Variants in SNTB2 observed in about 807,000 individuals in gnomAD.
SNTB2 encodes the protein syntrophin beta 2, also known as beta-2-syntrophin.
Under a neutral mutation model 46.2 loss-of-function variants are expected in SNTB2, and 34 were observed. The ratio of observed to expected loss-of-function variants is 0.74; its 90% CI spans 0.56 to 0.98. SNTB2 has a LOEUF of 0.98. Among genes scored for constraint, SNTB2 ranks in the 50% least tolerant of loss-of-function variants. SNTB2 has a pLI of 0.00. For missense variants in SNTB2, 603 were observed against 731.4 expected, an observed-to-expected ratio of 0.82 and a Z score of 2.02; for synonymous variants, 290 against 312.6, an observed-to-expected ratio of 0.93 and a Z score of 0.76.
At chr16:69,201,285 C>T (rs1313161761) in intron 1 of SNTB2, among the ~76,000 whole-genome samples, 1 of 152,154 alleles carries the variant, frequency 6.6e-6, no homozygotes, top group South Asian at 2.1e-4. Flanking sequence ...AAGGACTCCT[C>T]ATTAACACCA....
intron 1 of SNTB2, among the ~76,000 whole-genome samples, chr16:69,203,695 A>G (rs1249411670): frequency 1.3e-5 from 2 of 152,002 alleles, no homozygotes; most frequent in South Asian, 2.1e-4. Flanking sequence ...TTTCCATTTA[A>G]AACAGTTTCC....
intron 1 of SNTB2, among the ~76,000 whole-genome samples, chr16:69,242,485 T>C (rs1017863155): frequency 1.6e-4 from 25 of 152,126 alleles, no homozygotes; most frequent in Non-Finnish European, 2.2e-4. Context: ...ATTTCTTAAA[T>C]ACGTTTTTAA....
chr16:69,265,759 A>ATG (rs1964877898), intron 3 of SNTB2, among the ~76,000 whole-genome samples: 1 of 150,692 alleles, frequency 6.6e-6, no homozygotes, highest in African/African-American at 2.4e-5. Flanking sequence ...CCTGGGAGGC[A>ATG]GAGGTTGCAG....
intron 1 of SNTB2, among the ~76,000 whole-genome samples, chr16:69,239,849 A>G (rs184123092): frequency 1.7e-3 from 252 of 152,200 alleles, no homozygotes; most frequent in Admixed American, 4.6e-3. Flanking sequence ...CTGGCTAGAA[A>G]CCACTGAATT....
chr16:69,257,102 C>T (rs1964784355), intron 2 of SNTB2, among the ~76,000 whole-genome samples: 1 of 149,282 alleles, frequency 6.7e-6, no homozygotes, highest in Admixed American at 6.8e-5. Flanking sequence ...ACCCGGCAGT[C>T]AGAGGTTTCA....
intron 1 of SNTB2, among the ~76,000 whole-genome samples, chr16:69,205,293 G>A (rs1391632378): frequency 1.3e-5 from 2 of 150,806 alleles, no homozygotes; most frequent in African/African-American, 4.9e-5. Context: ...AGGACTACAG[G>A]CACGCGCCAC....
At chr16:69,264,224 CA>C (rs1964863998) in intron 3 of SNTB2, among the ~76,000 whole-genome samples, 2 of 152,008 alleles carry the variant, frequency 1.3e-5, no homozygotes, top group African/African-American at 4.8e-5. Flanking sequence ...TTGTGAGGGG[CA>C]AAAAAGTCAG....
chr16:69,195,127 G>A (rs1371720786), intron 1 of SNTB2, among the ~76,000 whole-genome samples: 1 of 152,086 alleles, frequency 6.6e-6, no homozygotes, highest in African/African-American at 2.4e-5. Context: ...TATTTTTATA[G>A]GTAGAACAAC....
Position 69,260,124 on chromosome 16 carries a change from C to T in SNTB2, c.869C>T (p.Ser290Phe), listed in dbSNP as rs867158764. ...LRCKDTATAH[S>F]WFVAIHTNIM... is the part of the protein sequence containing the mutation. ...TGCAAAGATACAGCCACAGCACACT[C>T]CTGGTTCGTAGCTATCCACACCAAC... Residue 290 changes from serine (S) to phenylalanine (F), a missense_variant, in exon 3 of 7, where the codon TCC (serine) becomes TTC (phenylalanine). Ser to Phe is a radical substitution (Grantham distance 155, BLOSUM62 -2). Transcript: ENST00000336278. The T allele has an allele frequency of 6.2e-7, 1 of 1,614,042 alleles. No individual in the cohort carries two copies. Among genetic ancestry groups the T allele is most frequent in the South Asian group, 1.1e-5 (1 of 91,078 alleles).
rs551282724 is a variant in SNTB2, at chr16:69,308,257, A to G, written c.*7333A>G. On this transcript the variant is annotated 3_prime_UTR_variant, in exon 7 of 7. Coordinates refer to ENST00000336278, the MANE Select transcript of SNTB2 (RefSeq NM_006750.4). Reference sequence around the variant, plus strand: ...GGTTGGAAGAAATGTCTTTCCTTCTATCTGGGTCCTGTTAAAGCGGGTGTC... The same window carrying G: ...GGTTGGAAGAAATGTCTTTCCTTCTGTCTGGGTCCTGTTAAAGCGGGTGTC... The G allele has an allele frequency of 2.0e-5, 3 of 152,780 alleles. 1 individual carries two copies. In the Middle Eastern group the frequency reaches 0.01, roughly 520 times the overall value. 9.5% of individuals were successfully genotyped at this position (152,780 alleles called of 1,614,324 possible).
At chr16:69,254,728 A>G (rs143085689) in intron 2 of SNTB2, among the ~76,000 whole-genome samples, 2 of 152,328 alleles carry the variant, frequency 1.3e-5, no homozygotes, top group East Asian at 3.9e-4. Context: ...CTATAATCCT[A>G]GCACTTTAGG....
At position 69,300,962 on chromosome 16, in the gene SNTB2, G is replaced by A; in HGVS notation, c.*38G>A. On this transcript the variant is annotated 3_prime_UTR_variant, in exon 7 of 7. Coordinates refer to ENST00000336278, the MANE Select transcript of SNTB2 (RefSeq NM_006750.4). ...CAGAAAAGAGCCTTGACTGTCACAA[G>A]AAATATTTCCACCTCAAAAAAAAAA... The A allele has an allele frequency of 8.0e-7, 1 of 1,242,332 alleles. No individual in the cohort carries two copies. Among genetic ancestry groups the A allele is most frequent in the Non-Finnish European group, 1.2e-6 (1 of 858,416 alleles). 77.0% of individuals were successfully genotyped at this position (1,242,332 alleles called of 1,614,324 possible).
chr16:69,249,557 A>C (rs1212548689), intron 2 of SNTB2, among the ~76,000 whole-genome samples: 1 of 152,164 alleles, frequency 6.6e-6, no homozygotes, highest in East Asian at 1.9e-4. Context: ...TTGGGGGCTG[A>C]ATTCTCTTTG....
chr16:69,214,534 T>C (rs546907654), intron 1 of SNTB2, among the ~76,000 whole-genome samples: 50 of 151,782 alleles, frequency 3.3e-4, no homozygotes, highest in Non-Finnish European at 6.6e-4. Flanking sequence ...CATATGTGTG[T>C]ATGTATGTTT....
At chr16:69,238,026 GGA>G (rs1964575469) in intron 1 of SNTB2, among the ~76,000 whole-genome samples, 1 of 152,082 alleles carries the variant, frequency 6.6e-6, no homozygotes, top group Non-Finnish European at 1.5e-5. Context: ...TGCTTGTGCT[GGA>G]AGTCTTCCAT....
At chr16:69,271,405 T>G (rs1964936077) in intron 4 of SNTB2, among the ~76,000 whole-genome samples, 1 of 152,192 alleles carries the variant, frequency 6.6e-6, no homozygotes, top group African/African-American at 2.4e-5. Context: ...TGTAAATTTC[T>G]TAATATTTGG....
intron 1 of SNTB2, 103 bp downstream of exon 1, chr16:69,187,849 C>G (rs1964009529): frequency 1.1e-6 from 1 of 945,074 alleles, no homozygotes; most frequent in South Asian, 2.1e-5. Context: ...GTTCTCTCCC[C>G]GTCTCTCTCC....
At chr16:69,229,396 CT>C (rs1412306409) in intron 1 of SNTB2, among the ~76,000 whole-genome samples, 1 of 151,284 alleles carries the variant, frequency 6.6e-6, no homozygotes, top group African/African-American at 2.4e-5. Context: ...TCTTGAACTC[CT>C]GGGCTCAAGT....
chr16:69,234,012 T>C (rs1964533070), intron 1 of SNTB2, among the ~76,000 whole-genome samples: 1 of 151,378 alleles, frequency 6.6e-6, no homozygotes, highest in Non-Finnish European at 1.5e-5. Flanking sequence ...AAAGTGAGAC[T>C]CTGTCTCTTT....
Sources: allele counts gnomAD v4.1 joint callset (sites outside exome capture counted in the v4.1 genomes callset), GRCh38; gene constraint gnomAD v4.1.1; transcripts MANE v1.5; gene names NCBI Gene and HGNC (gene_info 2026-07-23, HGNC 2026-07-21).